Variants in RNF150 observed in about 807,000 individuals in gnomAD.
RNF150 encodes ring finger protein 150.
In RNF150, 24 loss-of-function variants were observed where a neutral mutation model predicts 39.3. The ratio of observed to expected loss-of-function variants is 0.61; its 90% CI spans 0.44 to 0.86. The LOEUF (loss-of-function observed/expected upper bound fraction) is 0.86. Ranked by LOEUF, RNF150 falls within the 40% of genes least tolerant of loss-of-function variation. The pLI is 0.00. For missense variants in RNF150, 502 were observed against 587.8 expected, an observed-to-expected ratio of 0.85 and a Z score of 1.51; for synonymous variants, 255 against 227.3, an observed-to-expected ratio of 1.12 and a Z score of -1.10.
At chr4:141,093,836 G>T (rs1190318244) in intron 1 of RNF150, among the ~76,000 whole-genome samples, 3 of 152,144 alleles carry the variant, frequency 2.0e-5, no homozygotes, top group Non-Finnish European at 4.4e-5. Flanking sequence ...AATAGGAAAT[G>T]CCTGACAATA....
intron 1 of RNF150, among the ~76,000 whole-genome samples, chr4:141,027,938 T>TTG (rs1735780953): frequency 7.6e-6 from 1 of 130,828 alleles, no homozygotes; most frequent in Non-Finnish European, 1.6e-5. Flanking sequence ...TTTTTTTTTT[T>TTG]TTTTTTTTTT....
At chr4:140,870,249 T>C (rs1560940813) in intron 6 of RNF150, among the ~76,000 whole-genome samples, 1 of 152,140 alleles carries the variant, frequency 6.6e-6, no homozygotes, top group South Asian at 2.1e-4. Context: ...TTCATAGCAA[T>C]GTAACAGATC....
chr4:141,072,877 A>T (rs1737758573), intron 1 of RNF150, among the ~76,000 whole-genome samples: 4 of 152,294 alleles, frequency 2.6e-5, no homozygotes, highest in Admixed American at 2.6e-4. Context: ...TTCCATATTT[A>T]AAAACAATTA....
At chr4:141,200,104 A>G (rs1391422116) in intron 1 of RNF150, among the ~76,000 whole-genome samples, 1 of 152,200 alleles carries the variant, frequency 6.6e-6, no homozygotes, top group Non-Finnish European at 1.5e-5. Flanking sequence ...AAGATACTGG[A>G]GACTGAATAG....
chr4:141,082,726 C>T (rs1738206681), intron 1 of RNF150, among the ~76,000 whole-genome samples: 1 of 150,908 alleles, frequency 6.6e-6, no homozygotes, highest in African/African-American at 2.4e-5. Context: ...GTAGCTGGGA[C>T]TACAGGCGCC....
At chr4:141,163,853 C>T (rs1043516626) in intron 1 of RNF150, among the ~76,000 whole-genome samples, 28 of 152,098 alleles carry the variant, frequency 1.8e-4, no homozygotes, top group African/African-American at 9.7e-5. Flanking sequence ...TGAGGAAAAA[C>T]CAGTGCAAAA....
intron 5 of RNF150, among the ~76,000 whole-genome samples, chr4:140,913,435 C>T (rs17338560): frequency 0.38 from 58,469 of 151,942 alleles, 12,121 homozygotes; most frequent in Non-Finnish European, 0.47. Flanking sequence ...TACACTCCCT[C>T]CTCTCAACAC....
At chr4:141,154,279 C>T (rs904393080) in intron 1 of RNF150, among the ~76,000 whole-genome samples, 52 of 152,162 alleles carry the variant, frequency 3.4e-4, no homozygotes, top group African/African-American at 6.5e-4. Flanking sequence ...GTTCTTCCCA[C>T]GTAAGTAGCC....
chr4:140,911,337 C>T lies in RNF150; in HGVS notation c.1005G>A (p.Met335Ile), dbSNP rs763159513. The change falls in exon 6 of 7, where the codon ATG becomes ATA. Residue 335 changes from methionine (M) to isoleucine (I), a missense_variant. Physicochemically the swap from Met to Ile is conservative, Grantham distance 10. Coordinates refer to ENST00000515673, the MANE Select transcript of RNF150 (RefSeq NM_020724.2). ...CCTCGAAGTCAGTGGGCAAGTCGTCCATGCAGTCGGCATTGGGCTGATGGG... is the reference window on the plus strand; with the variant it reads ...CCTCGAAGTCAGTGGGCAAGTCGTCTATGCAGTCGGCATTGGGCTGATGGG... Reference protein sequence around the residue: ...ALGIPPNADCMDDLPTDFEGS... With the variant: ...ALGIPPNADCIDDLPTDFEGS... The T allele has an allele frequency of 2.1e-5, 34 of 1,614,038 alleles. No individual in the cohort carries two copies. Among genetic ancestry groups the T allele is most frequent in the Non-Finnish European group, 2.6e-5 (31 of 1,180,032 alleles).
At chr4:141,209,302 C>T (rs1048099103) in intron 1 of RNF150, among the ~76,000 whole-genome samples, 2 of 152,010 alleles carry the variant, frequency 1.3e-5, no homozygotes, top group Non-Finnish European at 2.9e-5. Flanking sequence ...GCTATATGTA[C>T]ATGCTATTCT....
chr4:140,899,057 C>A (rs1217181852), intron 6 of RNF150, among the ~76,000 whole-genome samples: 1 of 152,132 alleles, frequency 6.6e-6, no homozygotes, highest in African/African-American at 2.4e-5. Flanking sequence ...CTCATAGGCA[C>A]ACGTATTGTT....
At chr4:140,972,541 C>T (rs1020502516) in intron 1 of RNF150, among the ~76,000 whole-genome samples, 1 of 152,152 alleles carries the variant, frequency 6.6e-6, no homozygotes, top group Non-Finnish European at 1.5e-5. Context: ...CTTCCTTCTA[C>T]AGTATGAATG....
intron 1 of RNF150, among the ~76,000 whole-genome samples, chr4:141,156,843 C>G (rs185352464): frequency 1.3e-5 from 2 of 151,578 alleles, no homozygotes; most frequent in South Asian, 4.2e-4. Flanking sequence ...GGACGTAGAG[C>G]TTGCAGTGAG....
chr4:141,000,083 GAA>G, intron 1 of RNF150, among the ~76,000 whole-genome samples: 2 of 74,128 alleles, frequency 2.7e-5, no homozygotes, highest in African/African-American at 1.1e-4. Context: ...AGAAGAAGAA[GAA>G]GGAGAAGAAG....
At chr4:141,014,956 TTATATTTAAGTTC>T (rs1272792619) in intron 1 of RNF150, among the ~76,000 whole-genome samples, 1 of 152,204 alleles carries the variant, frequency 6.6e-6, no homozygotes, top group African/African-American at 2.4e-5. Context: ...GTTTCAGGTT[TTATATTTAAGTTC>T]TTAATCTGTT....
chr4:141,123,297 G>C (rs1726662131), intron 1 of RNF150, among the ~76,000 whole-genome samples: 1 of 152,132 alleles, frequency 6.6e-6, no homozygotes, highest in South Asian at 2.1e-4. Context: ...CCCCACTCTT[G>C]TGGAGCTTAC....
intron 1 of RNF150, among the ~76,000 whole-genome samples, chr4:141,039,476 A>C (rs957291300): frequency 2.0e-5 from 3 of 152,034 alleles, no homozygotes; most frequent in Non-Finnish European, 2.9e-5. Flanking sequence ...GGGCACAGGG[A>C]GTGCATAGAT....
chr4:141,096,009 C>G (rs1182599488), intron 1 of RNF150, among the ~76,000 whole-genome samples: 1 of 151,964 alleles, frequency 6.6e-6, no homozygotes, highest in South Asian at 2.1e-4. Context: ...ATACATATAA[C>G]AGTTAACAGC....
At chr4:140,972,331 A>C (rs541144304) in intron 1 of RNF150, among the ~76,000 whole-genome samples, 1 of 152,302 alleles carries the variant, frequency 6.6e-6, no homozygotes, top group Admixed American at 6.5e-5. Context: ...CACAGATGTA[A>C]AAATCCTAAA....
Sources: gnomAD v4.1 joint callset for allele counts (sites outside exome capture counted in the v4.1 genomes callset) on GRCh38, gnomAD v4.1.1 for gene constraint, MANE v1.5 for transcripts, NCBI Gene and HGNC (gene_info 2026-07-23, HGNC 2026-07-21) for gene names.